FCHSD2: variants seen among roughly 807,000 people sequenced by gnomAD.
FCHSD2 encodes F-BAR and double SH3 domains protein 2.
Under a neutral mutation model 108.1 loss-of-function variants are expected in FCHSD2, and 38 were observed. The ratio of observed to expected loss-of-function variants is 0.35; its 90% confidence interval spans 0.27 to 0.46. FCHSD2 has a LOEUF of 0.46. Ranked by LOEUF, FCHSD2 falls within the 20% of genes least tolerant of loss-of-function variation. The pLI is 1.00. For synonymous variants in FCHSD2, 279 were observed against 314.7 expected (o/e 0.89, Z 1.20); for missense variants, 751 against 897.8 (o/e 0.84, Z 2.09).
chr11:73,127,223 G>A (rs1275286431), intron 2 of FCHSD2, among the ~76,000 whole-genome samples: 1 of 152,122 alleles, frequency 6.6e-6, no homozygotes, highest in Non-Finnish European at 1.5e-5. Context: ...TTATTAAATT[G>A]GGATTATTTC....
chr11:72,865,490 T>C (rs1854701386), intron 13 of FCHSD2, among the ~76,000 whole-genome samples: 1 of 152,216 alleles, frequency 6.6e-6, no homozygotes, highest in African/African-American at 2.4e-5. Flanking sequence ...TGTATGTCTC[T>C]AGAGGAGTGA....
intron 9 of FCHSD2, among the ~76,000 whole-genome samples, chr11:72,918,669 A>G (rs1214423503): frequency 1.3e-5 from 2 of 152,172 alleles, no homozygotes; most frequent in Admixed American, 1.3e-4. Context: ...TAGACTTCGA[A>G]GTATTAAGAA....
chr11:73,121,632 A>G (rs7937701), intron 2 of FCHSD2, among the ~76,000 whole-genome samples: 68,618 of 151,292 alleles, frequency 0.45, 16,505 homozygotes, highest in South Asian at 0.65. Context: ...AAGTCTTAAC[A>G]AAGAATCAGT....
At chr11:72,971,300 C>T (rs71479513) in intron 8 of FCHSD2, among the ~76,000 whole-genome samples, 131 of 152,198 alleles carry the variant, frequency 8.6e-4, no homozygotes, top group Non-Finnish European at 1.3e-3. Flanking sequence ...TAACAAAATA[C>T]GTGAAGACTG....
chr11:73,084,945 A>G (rs1989449), intron 2 of FCHSD2, among the ~76,000 whole-genome samples: 33,653 of 150,848 alleles, frequency 0.22, 4,546 homozygotes, highest in Middle Eastern at 0.37. Context: ...CCAAAGACAT[A>G]AGAGTAAGAA....
intron 13 of FCHSD2, among the ~76,000 whole-genome samples, chr11:72,858,583 T>C (rs987900746): frequency 3.3e-5 from 5 of 151,924 alleles, no homozygotes; most frequent in Admixed American, 2.6e-4. Context: ...CATGGACACA[T>C]AGAGGGGATC....
chr11:73,108,312 G>T (rs1223912678), intron 2 of FCHSD2, among the ~76,000 whole-genome samples: 1 of 152,252 alleles, frequency 6.6e-6, no homozygotes, highest in Non-Finnish European at 1.5e-5. Flanking sequence ...CTAATCCCTG[G>T]TAAGATAAAG....
At chr11:72,906,830 T>C (rs1855639841) in intron 9 of FCHSD2, among the ~76,000 whole-genome samples, 1 of 152,202 alleles carries the variant, frequency 6.6e-6, no homozygotes, top group South Asian at 2.1e-4. Flanking sequence ...ACTGTAGCCT[T>C]GTAGTATAGT....
At chr11:72,975,469 A>G (rs1857087327) in intron 8 of FCHSD2, among the ~76,000 whole-genome samples, 1 of 152,192 alleles carries the variant, frequency 6.6e-6, no homozygotes. Flanking sequence ...ATAGTTAACA[A>G]TAATTTATGG....
At chr11:72,854,505 C>T (rs1861371943) in intron 13 of FCHSD2, among the ~76,000 whole-genome samples, 1 of 152,232 alleles carries the variant, frequency 6.6e-6, no homozygotes, top group African/African-American at 2.4e-5. Context: ...GATCATAGCT[C>T]ATTGCAGCTT....
rs145901429 is a variant in FCHSD2 at position 72,902,746 on chromosome 11, T to C, written c.829-108A>G. 4,303 of 628,510 alleles carry C rather than the reference T, an allele frequency of 6.8e-3. 27 individuals carry two copies. Among genetic ancestry groups the C allele is most frequent in the Middle Eastern group, 0.012 (28 of 2,434 alleles). 38.9% of individuals were successfully genotyped at this position (628,510 alleles called of 1,614,324 possible). The stretch of plus-strand genomic sequence containing the variant: ...TATTTTCTATACAAATGAGAAATCA[T>C]CCAACACTGTGGTAAAAAAGAAATG... On this transcript the variant is annotated intron_variant, in intron 9 of 19. Transcript: ENST00000409418.
At chr11:72,885,300 C>T (rs775512007) in intron 12 of FCHSD2, among the ~76,000 whole-genome samples, 9 of 152,076 alleles carry the variant, frequency 5.9e-5, no homozygotes, top group African/African-American at 1.9e-4. Flanking sequence ...ACTGAGAAAA[C>T]GGATCTGCTA....
At chr11:72,984,956 G>A in intron 7 of FCHSD2, 106 bp downstream of exon 7, 1 of 557,626 alleles carries the variant, frequency 1.8e-6, no homozygotes, top group Admixed American at 3.2e-5. Context: ...ACTTTAAAAT[G>A]CTTCTCTAAG....
chr11:73,016,031 G>T, intron 3 of FCHSD2, 146 bp from the exon 4 acceptor site: 1 of 586,752 alleles, frequency 1.7e-6, no homozygotes, highest in Non-Finnish European at 3.0e-6. Context: ...GGCTGCACGT[G>T]GTGGCTTACA....
intron 3 of FCHSD2, among the ~76,000 whole-genome samples, chr11:73,082,802 A>C (rs371204300): frequency 1.3e-5 from 2 of 152,224 alleles, no homozygotes; most frequent in South Asian, 4.1e-4. Flanking sequence ...CATATAAAGT[A>C]ATTGCTTAAA....
chr11:72,849,946 GC>G (rs1861238159), intron 13 of FCHSD2, 57 bp from the exon 14 acceptor site: 24 of 1,456,620 alleles, frequency 1.6e-5, no homozygotes, highest in Non-Finnish European at 2.3e-5. Context: ...ATGGTTGAAA[GC>G]CGGAAAAACA....
intron 2 of FCHSD2, among the ~76,000 whole-genome samples, chr11:73,136,747 G>A (rs527674163): frequency 7.2e-5 from 11 of 152,112 alleles, no homozygotes; most frequent in Admixed American, 5.2e-4. Flanking sequence ...ACCCAAGTTC[G>A]GGCCAGGCGC....
intron 5 of FCHSD2, among the ~76,000 whole-genome samples, chr11:72,991,226 T>A (rs1362888988): frequency 6.6e-6 from 1 of 152,094 alleles, no homozygotes; most frequent in Non-Finnish European, 1.5e-5. Flanking sequence ...ATTAATAGCT[T>A]ACCAACCAAA....
intron 8 of FCHSD2, among the ~76,000 whole-genome samples, chr11:72,951,849 T>C (rs1397701094): frequency 6.6e-6 from 1 of 152,220 alleles, no homozygotes; most frequent in Non-Finnish European, 1.5e-5. Flanking sequence ...GCTGAGGAAA[T>C]GAGGCTAGCG....
Sources: gnomAD v4.1 joint callset for allele counts (sites outside exome capture counted in the v4.1 genomes callset) on GRCh38, gnomAD v4.1.1 for gene constraint, MANE v1.5 for transcripts, NCBI Gene and HGNC (gene_info 2026-07-23, HGNC 2026-07-21) for gene names.